PCDHGA5: variants seen among roughly 807,000 people sequenced by gnomAD.
PCDHGA5 encodes protocadherin gamma subfamily A, 5, also known as protocadherin gamma-A5.
A neutral mutation model predicts 56.7 loss-of-function variants in PCDHGA5; 36 were observed. That is an observed-to-expected ratio of 0.64 (90% CI 0.49 to 0.84). The LOEUF (loss-of-function observed/expected upper bound fraction) is 0.84, where lower values mean the gene tolerates loss of function less well. Among genes scored for constraint, PCDHGA5 ranks in the 40% least tolerant of loss-of-function variants. The pLI is 0.00. For synonymous variants in PCDHGA5, 563 were observed against 520.2 expected (o/e 1.08, Z -1.12); for missense variants, 1,305 against 1,201.5 (o/e 1.09, Z -1.27).
At chr5:141,382,483 A>G (rs1778240323) in intron 1 of PCDHGA5, among the ~76,000 whole-genome samples, 1 of 152,250 alleles carries the variant, frequency 6.6e-6, no homozygotes, top group Non-Finnish European at 1.5e-5. Context: ...TAAGATTATC[A>G]AACACCGGTC....
chr5:141,415,740 G>GTTTTTTTTTTTTTTTTTTTTTTT (rs57426385), intron 1 of PCDHGA5: 14 of 625,046 alleles, frequency 2.2e-5, no homozygotes, highest in East Asian at 1.4e-4. Flanking sequence ...GTTTATTAAG[G>GTTTTTTTTTTTTTTTTTTTTTTT]TTTTTTTTTT....
chr5:141,474,961 A>G (rs1395755491), intron 1 of PCDHGA5, among the ~76,000 whole-genome samples: 1 of 152,254 alleles, frequency 6.6e-6, no homozygotes, highest in South Asian at 2.1e-4. Flanking sequence ...TCACTATCCT[A>G]ATCATTATAA....
intron 1 of PCDHGA5, among the ~76,000 whole-genome samples, chr5:141,449,588 C>CAA (rs768743917): frequency 2.4e-4 from 14 of 57,430 alleles, no homozygotes; most frequent in Non-Finnish European, 3.7e-4. Flanking sequence ...GACTCTGTCT[C>CAA]AAAAAAAAAA....
At chr5:141,409,952 C>T (rs892751686) in intron 1 of PCDHGA5, 2 of 1,613,232 alleles carry the variant, frequency 1.2e-6, no homozygotes, top group Non-Finnish European at 1.7e-6. Context: ...CTCTGCAGAG[C>T]CCGGCTACCT....
chr5:141,419,936 G>T, intron 1 of PCDHGA5: 2 of 1,614,074 alleles, frequency 1.2e-6, no homozygotes, highest in Non-Finnish European at 1.7e-6. Context: ...GTTTTACCTG[G>T]TGGTGGCCTT....
At chr5:141,394,109 G>A (rs764779834) in intron 1 of PCDHGA5, 3 of 1,613,898 alleles carry the variant, frequency 1.9e-6, no homozygotes, top group East Asian at 4.5e-5. Flanking sequence ...CACCACCTCT[G>A]TCCACTGAAA....
At position 141,489,783 on chromosome 5, in the gene PCDHGA5, T is replaced by C; in HGVS notation, c.2422-5024T>C. The C allele has an allele frequency of 6.2e-7, 1 of 1,614,164 alleles. No individual in the cohort carries two copies. On this transcript the variant is annotated intron_variant, in intron 1 of 3. Transcript: ENST00000518069. The surrounding 1 kb of genome is among the most constrained non-coding windows in gnomAD (Gnocchi z 4.5). ...GCCCCAACAGCCACTTCTCTCTGAA[T>C]GTGAAGACCCTAAAAGATGGGAAGC... is the stretch of plus-strand genomic sequence containing the variant.
At chr5:141,370,684 G>A in intron 1 of PCDHGA5, 1 of 1,613,842 alleles carries the variant, frequency 6.2e-7, no homozygotes, top group Non-Finnish European at 8.5e-7. Context: ...GAGATTTGTG[G>A]CAAGAAGTCG....
intron 3 of PCDHGA5, among the ~76,000 whole-genome samples, chr5:141,509,211 C>T (rs962706371): frequency 2.0e-5 from 3 of 152,180 alleles, no homozygotes; most frequent in African/African-American, 4.8e-5. Context: ...CTCTCTATTT[C>T]TCAATCCCTG....
intron 1 of PCDHGA5, chr5:141,371,423 T>C: frequency 6.2e-7 from 1 of 1,613,962 alleles, no homozygotes; most frequent in Non-Finnish European, 8.5e-7. Flanking sequence ...AAAATGACAA[T>C]GCCCCGGAGA....
rs757157488 is a variant in PCDHGA5 at position 141,477,668 on chromosome 5, A to G, written c.2422-17139A>G. ...TTTCACAATAAATCGTGACAATGGC[A>G]TAGTGTCATCCTTAGTGCCCCTAGA... On this transcript the variant is annotated intron_variant, in intron 1 of 3. Coordinates refer to ENST00000518069, the MANE Select transcript of PCDHGA5 (RefSeq NM_018918.3). The surrounding 1 kb of genome is among the most constrained non-coding windows in gnomAD (Gnocchi z 4.9). 10 of 1,614,104 alleles carry G rather than the reference A, an allele frequency of 6.2e-6. No individual in the cohort carries two copies. Among genetic ancestry groups the G allele is most frequent in the Non-Finnish European group, 8.5e-6 (10 of 1,180,046 alleles).
intron 2 of PCDHGA5, among the ~76,000 whole-genome samples, chr5:141,500,310 G>A (rs1327269551): frequency 6.6e-6 from 1 of 151,740 alleles, no homozygotes; most frequent in Non-Finnish European, 1.5e-5. Flanking sequence ...CCAGGTTCAC[G>A]CCATGCTCCT....
rs2099624335 is a variant in PCDHGA5 at position 141,486,093 on chromosome 5, C to T, written c.2422-8714C>T. On this transcript the variant is annotated intron_variant, in intron 1 of 3. Coordinates refer to ENST00000518069, the MANE Select transcript of PCDHGA5 (RefSeq NM_018918.3). This position sits in a 1 kb window ranked among gnomAD's most constrained non-coding sequence, Gnocchi z 5.0. ...ACTGGAAAGCTTACTCTTTTGGGGC[C>T]CCTAGACTTTGAGAGTGAGAATTAC... 1 of 1,614,112 alleles carries T rather than the reference C, an allele frequency of 6.2e-7. No homozygotes were observed. The highest frequency in any genetic ancestry group is 8.5e-7 in the Non-Finnish European group (1 of 1,180,008).
chr5:141,399,958 G>A (rs2093927763), intron 1 of PCDHGA5: 5 of 1,612,004 alleles, frequency 3.1e-6, no homozygotes, highest in Non-Finnish European at 4.2e-6. Context: ...TAGCGAGCCC[G>A]GGCTCTTCAG....
chr5:141,389,838 C>T (rs1156714079), intron 1 of PCDHGA5: 3 of 1,614,028 alleles, frequency 1.9e-6, no homozygotes, highest in Non-Finnish European at 2.5e-6. Context: ...ACAGCCACCA[C>T]TCTCGGCCAC....
At chr5:141,375,460 C>G (rs184685234) in intron 1 of PCDHGA5, 288 of 1,614,022 alleles carry the variant, frequency 1.8e-4, no homozygotes, top group Non-Finnish European at 2.3e-4. Flanking sequence ...CCTACTCAGT[C>G]TATGTCCTTG....
rs759346998 is a variant in PCDHGA5, at chr5:141,410,849, C to CTTTTTTTTTTTTTTTTTTTTTTTTTTTTT, written c.2421+44120_2421+44121insTTTTTTTTTTTTTTTTTTTTTTTTTTTTT. 5.4e-5 allele frequency: 7 copies of CTTTTTTTTTTTTTTTTTTTTTTTTTTTTT among 129,786 alleles called. 2 individuals carry two copies. The highest frequency in any genetic ancestry group is 3.0e-4 in the African/African-American group (5 of 16,598). 8.0% of individuals were successfully genotyped at this position (129,786 alleles called of 1,614,324 possible). A position where few individuals can be genotyped will look rare whatever the true frequency, so the allele number is the denominator to read the frequency against. ...CAGACTGAAGATATTTTGTCTTTGT[C>CTTTTTTTTTTTTTTTTTTTTTTTTTTTTT]TTTTTTTTTTTTTTTTTTTTTTGAG... On this transcript the variant is annotated intron_variant, in intron 1 of 3. Transcript: ENST00000518069.
chr5:141,421,834 CGA>C lies in PCDHGA5; in HGVS notation c.2421+55088_2421+55089del, dbSNP rs763631483. The C allele has an allele frequency of 2.1e-5, 34 of 1,613,630 alleles. No homozygotes were observed. The Admixed American group carries it at 5.5e-4, about 26-fold the overall frequency. ...GCTAGTACTGGAGGGAAGCCTGGAC[CGA>C]GAGAAAGAGGCTGCTCACCTGCTCC... On this transcript the variant is annotated intron_variant, in intron 1 of 3. Transcript: ENST00000518069.
chr5:141,381,702 C>CT (rs1561588740), intron 1 of PCDHGA5, among the ~76,000 whole-genome samples: 1 of 151,968 alleles, frequency 6.6e-6, no homozygotes, highest in Admixed American at 6.6e-5. Flanking sequence ...CGATTTCTTT[C>CT]TTTTTTTCTC....
Sources: allele counts gnomAD v4.1 joint callset (sites outside exome capture counted in the v4.1 genomes callset), GRCh38; gene constraint gnomAD v4.1.1; non-coding constraint Gnocchi (gnomAD v3.1); transcripts MANE v1.5; gene names NCBI Gene and HGNC (gene_info 2026-07-23, HGNC 2026-07-21).